Variants in WDPCP observed in about 807,000 individuals in gnomAD.
WDPCP encodes WD repeat-containing and planar cell polarity effector protein fritz homolog.
A neutral mutation model predicts 93.1 loss-of-function variants in WDPCP; 71 were observed. The observed-to-expected ratio is 0.76, with a 90% CI of 0.63 to 0.93. WDPCP has a LOEUF of 0.93. Among genes scored for constraint, WDPCP ranks in the 40% least tolerant of loss-of-function variants. The probability of loss-of-function intolerance (pLI) is 0.00; values close to 1 mark genes in which losing one functional copy is unlikely to be tolerated. For synonymous variants in WDPCP, 315 were observed against 315.0 expected (o/e 1.00, Z 0.00); for missense variants, 844 against 887.4 (o/e 0.95, Z 0.62).
At chr2:63,582,251 A>T (rs1708544048) in intron 1 of WDPCP, among the ~76,000 whole-genome samples, 1 of 152,184 alleles carries the variant, frequency 6.6e-6, no homozygotes, top group South Asian at 2.1e-4. Flanking sequence ...TTCTACACAT[A>T]AAAACAATAT....
intron 1 of WDPCP, among the ~76,000 whole-genome samples, chr2:63,567,509 T>C (rs1707163989): frequency 1.3e-5 from 2 of 152,206 alleles, no homozygotes; most frequent in Admixed American, 1.3e-4. Flanking sequence ...TAGCTTCTCT[T>C]GAGCCCCCAA....
At chr2:63,344,430 G>A (rs1010490321) in intron 12 of WDPCP, among the ~76,000 whole-genome samples, 2 of 152,066 alleles carry the variant, frequency 1.3e-5, no homozygotes, top group South Asian at 2.1e-4. Context: ...TTTCTTACTT[G>A]TGCAGACTCT....
chr2:63,427,567 T>C (rs1696417974), intron 9 of WDPCP, among the ~76,000 whole-genome samples: 1 of 151,990 alleles, frequency 6.6e-6, no homozygotes, highest in Non-Finnish European at 1.5e-5. Flanking sequence ...ACATACAAAA[T>C]CTCTGGGTGA....
chr2:63,339,808 G>A (rs1204275563), intron 12 of WDPCP, among the ~76,000 whole-genome samples: 1 of 152,060 alleles, frequency 6.6e-6, no homozygotes, highest in African/African-American at 2.4e-5. Flanking sequence ...TCCCCATTCA[G>A]TATGATTTTA....
At chr2:63,261,174 GTT>G (rs149749511) in intron 13 of WDPCP, among the ~76,000 whole-genome samples, 12 of 127,558 alleles carry the variant, frequency 9.4e-5, no homozygotes, top group African/African-American at 1.9e-4. Flanking sequence ...CTGTCGAAAG[GTT>G]TTTTTTTTTT....
intron 9 of WDPCP, among the ~76,000 whole-genome samples, chr2:63,426,116 G>A (rs186950024): frequency 2.0e-5 from 3 of 152,232 alleles, no homozygotes; most frequent in Non-Finnish European, 1.5e-5. Flanking sequence ...CGAGGCAGGC[G>A]GATCATGAGG....
intron 1 of WDPCP, among the ~76,000 whole-genome samples, chr2:63,494,287 T>TGACGATGACGACGAC (rs1553411030): frequency 1.3e-5 from 2 of 150,334 alleles, no homozygotes; most frequent in Admixed American, 6.6e-5. Context: ...ATGATGATGA[T>TGACGATGACGACGAC]GACGACGACG....
At chr2:63,839,537 G>A in the WDPCP span, among the ~76,000 whole-genome samples, 4 of 152,236 alleles carry the variant, frequency 2.6e-5, no homozygotes, top group South Asian at 6.2e-4. Context: ...CAGCCTGGGC[G>A]ACAGAGCAAG....
chr2:63,809,359 T>G (rs1372368465), intron 2 of WDPCP, among the ~76,000 whole-genome samples: 1 of 146,474 alleles, frequency 6.8e-6, no homozygotes, highest in Non-Finnish European at 1.5e-5. Context: ...CAGCCGCCCC[T>G]ACTGGGAAGT....
Position 63,201,705 on chromosome 2 carries a change from T to G in WDPCP, c.1916-26873A>C, listed in dbSNP as rs973721831. Among the ~76,000 whole-genome samples, 43 of 152,214 alleles carry G rather than the reference T, an allele frequency of 2.8e-4. 1 individual carries two copies. Among genetic ancestry groups the G allele is most frequent in the Non-Finnish European group, 1.5e-4 (10 of 68,014 alleles). Reference sequence around the variant, plus strand: ...GGAGCACTTTAAGTTTCTTATTCTCTTCTAAGGTAATTTGTCATTTAGGAC... The same window carrying G: ...GGAGCACTTTAAGTTTCTTATTCTCGTCTAAGGTAATTTGTCATTTAGGAC... On this transcript the variant is annotated intron_variant, in intron 14 of 17. Transcript: ENST00000272321.
chr2:63,472,183 A>T (rs1575483858), intron 6 of WDPCP, among the ~76,000 whole-genome samples: 1 of 151,116 alleles, frequency 6.6e-6, no homozygotes, highest in East Asian at 1.9e-4. Flanking sequence ...CTTTTTTTTT[A>T]AACTCTAGAA....
At chr2:63,597,295 C>T (rs967032453) in intron 3 of WDPCP, 1 of 1,266,944 alleles carries the variant, frequency 7.9e-7, no homozygotes, top group East Asian at 2.9e-5. Context: ...GATATGTAAA[C>T]ACTTGCAACA....
intron 2 of WDPCP, among the ~76,000 whole-genome samples, chr2:63,671,458 C>T (rs190617568): frequency 6.6e-6 from 1 of 152,152 alleles, no homozygotes; most frequent in African/African-American, 2.4e-5. Flanking sequence ...TCTCCTTCAC[C>T]CAGCGTCAGA....
At chr2:63,657,014 A>G (rs1710174691) in intron 2 of WDPCP, among the ~76,000 whole-genome samples, 1 of 152,096 alleles carries the variant, frequency 6.6e-6, no homozygotes, top group Non-Finnish European at 1.5e-5. Context: ...TCACAAAGTA[A>G]AGGAAAAGCT....
At chr2:63,682,645 C>T (rs1668728785) in intron 2 of WDPCP, among the ~76,000 whole-genome samples, 1 of 151,974 alleles carries the variant, frequency 6.6e-6, no homozygotes, top group South Asian at 2.1e-4. Flanking sequence ...TAACAGAGAA[C>T]TTTCTAAACC....
chr2:63,760,249 TG>T (rs1358142034), intron 2 of WDPCP, among the ~76,000 whole-genome samples: 4 of 152,196 alleles, frequency 2.6e-5, no homozygotes, highest in African/African-American at 9.6e-5. Context: ...CTTATGAGAC[TG>T]CATCCATGAA....
chr2:63,620,494 CA>C (rs1458519787), intron 3 of WDPCP, among the ~76,000 whole-genome samples: 4 of 152,190 alleles, frequency 2.6e-5, no homozygotes, highest in Admixed American at 2.0e-4. Context: ...CTGGGCAGGA[CA>C]TCCCTGAAAG....
At chr2:63,800,303 C>A (rs1301135648) in intron 2 of WDPCP, among the ~76,000 whole-genome samples, 1 of 152,038 alleles carries the variant, frequency 6.6e-6, no homozygotes, top group African/African-American at 2.4e-5. Flanking sequence ...TAGTGAGTAA[C>A]GGAGCTCCGT....
chr2:63,544,908 T>C (rs1478595459), intron 1 of WDPCP, among the ~76,000 whole-genome samples: 1 of 152,186 alleles, frequency 6.6e-6, no homozygotes, highest in East Asian at 1.9e-4. Context: ...TGATTATTAC[T>C]AATCATTATT....
Sources: gnomAD v4.1 joint callset for allele counts (sites outside exome capture counted in the v4.1 genomes callset) on GRCh38, gnomAD v4.1.1 for gene constraint, MANE v1.5 for transcripts, NCBI Gene and HGNC (gene_info 2026-07-23, HGNC 2026-07-21) for gene names.